SPON1: variants seen among roughly 807,000 people sequenced by gnomAD.
SPON1 encodes the protein spondin 1.
SPON1 carries 52 observed loss-of-function variants against 111.7 expected under a neutral mutation model. The observed-to-expected ratio is 0.47, with a 90% CI of 0.37 to 0.59. The LOEUF is 0.59. Among genes scored for constraint, SPON1 ranks in the 20% least tolerant of loss-of-function variants. SPON1 has a pLI of 0.00. For missense variants in SPON1, 957 were observed against 1,068.5 expected (o/e 0.90, Z 1.46); for synonymous variants, 410 against 395.8 (o/e 1.04, Z -0.43).
intron 5 of SPON1, among the ~76,000 whole-genome samples, chr11:14,120,162 T>G (rs1465395676): frequency 6.6e-6 from 1 of 152,152 alleles, no homozygotes; most frequent in Non-Finnish European, 1.5e-5. Context: ...ATCTGTAACA[T>G]GAGTTTATTT....
chr11:14,233,211 C>G (rs1182174456), intron 6 of SPON1, among the ~76,000 whole-genome samples: 2 of 152,174 alleles, frequency 1.3e-5, no homozygotes, highest in Admixed American at 1.3e-4. Context: ...CTTGACCCCT[C>G]TTTGTTTTAT....
rs1591433524 is a variant in SPON1, at chr11:14,266,899, C to G, written c.*1212C>G. On this transcript the variant is annotated 3_prime_UTR_variant, in exon 16 of 16. Coordinates refer to ENST00000576479, the MANE Select transcript of SPON1 (RefSeq NM_006108.4). The stretch of plus-strand genomic sequence containing the variant: ...TGGCCACAGGTTTACACTGCCTTCC[C>G]AGCAATTATAAGCACACCAGATTCA... The G allele has an allele frequency of 1.3e-5, 2 of 152,266 alleles. No individual in the cohort carries two copies. The highest frequency in any genetic ancestry group is 3.9e-4 in the East Asian group (2 of 5,190). The allele number at this position is 152,266 out of a possible 1,614,324, so 9.4% of individuals were successfully genotyped here. A position where few individuals can be genotyped will look rare whatever the true frequency, so the allele number is the denominator to read the frequency against.
chr11:14,001,333 C>A (rs782415716), intron 2 of SPON1, among the ~76,000 whole-genome samples: 1 of 152,134 alleles, frequency 6.6e-6, no homozygotes, highest in Non-Finnish European at 1.5e-5. Context: ...CAGGTTCTCA[C>A]GGTGAAAATC....
At chr11:14,193,320 G>A (rs1332334733) in intron 6 of SPON1, among the ~76,000 whole-genome samples, 4 of 152,156 alleles carry the variant, frequency 2.6e-5, no homozygotes, top group Non-Finnish European at 5.9e-5. Context: ...TCCCTCCAGA[G>A]AGGACCCAAG....
intron 6 of SPON1, among the ~76,000 whole-genome samples, chr11:14,233,655 A>G (rs1337504691): frequency 1.1e-4 from 17 of 151,826 alleles, no homozygotes; most frequent in Admixed American, 1.1e-3. Flanking sequence ...AAGGGATGCA[A>G]TGCGGCCCCT....
At chr11:13,992,822 C>G (rs1554911349) in intron 2 of SPON1, among the ~76,000 whole-genome samples, 1 of 151,932 alleles carries the variant, frequency 6.6e-6, no homozygotes. Flanking sequence ...TCCCTGACCC[C>G]TTGCTCTTCC....
intron 5 of SPON1, among the ~76,000 whole-genome samples, chr11:14,129,554 A>C (rs1240146298): frequency 1.6e-4 from 25 of 152,110 alleles, no homozygotes; most frequent in Non-Finnish European, 2.8e-4. Context: ...TCACTCAACA[A>C]ATCTCCAGGA....
chr11:14,021,488 C>T (rs1848481161), intron 2 of SPON1, among the ~76,000 whole-genome samples: 3 of 152,220 alleles, frequency 2.0e-5, no homozygotes, highest in Middle Eastern at 6.8e-3. Context: ...GCTCAGGTTG[C>T]AAAACCTGAG....
chr11:14,159,477 G>T (rs937511100), intron 6 of SPON1, among the ~76,000 whole-genome samples: 4 of 152,146 alleles, frequency 2.6e-5, no homozygotes, highest in East Asian at 1.9e-4. Flanking sequence ...TAGTTTGGAG[G>T]TTCCTTAAAA....
chr11:14,098,276 G>A (rs991030119), intron 5 of SPON1, among the ~76,000 whole-genome samples: 12 of 152,222 alleles, frequency 7.9e-5, no homozygotes, highest in Non-Finnish European at 1.3e-4. Flanking sequence ...GATTACAGGC[G>A]TGAGCCGGAT....
intron 5 of SPON1, among the ~76,000 whole-genome samples, chr11:14,086,284 G>A (rs1436104204): frequency 6.6e-6 from 1 of 152,274 alleles, no homozygotes; most frequent in East Asian, 1.9e-4. Flanking sequence ...TTATGGGTCT[G>A]TCATAAATAG....
chr11:13,971,989 T>G (rs991992165), intron 1 of SPON1, among the ~76,000 whole-genome samples: 10 of 152,208 alleles, frequency 6.6e-5, no homozygotes, highest in African/African-American at 2.4e-4. Flanking sequence ...GTTCTGTCCT[T>G]TGGAATCAAG....
At chr11:13,963,175 C>G in intron 1 of SPON1, 33 bp downstream of exon 1, 1 of 1,415,526 alleles carries the variant, frequency 7.1e-7, no homozygotes, top group Non-Finnish European at 9.3e-7. Flanking sequence ...ATTAGGAGAG[C>G]GGGACCCGGT....
chr11:14,117,176 C>T (rs1276616800), intron 5 of SPON1, among the ~76,000 whole-genome samples: 1 of 152,126 alleles, frequency 6.6e-6, no homozygotes, highest in Admixed American at 6.5e-5. Context: ...TATAGCTTCT[C>T]TTTTTCCTTC....
At chr11:14,030,646 T>C (rs1848551886) in intron 2 of SPON1, among the ~76,000 whole-genome samples, 1 of 152,182 alleles carries the variant, frequency 6.6e-6, no homozygotes, top group Non-Finnish European at 1.5e-5. Context: ...AAATCAAAAC[T>C]ACAACGAGGC....
chr11:14,260,677 C>T lies in SPON1; in HGVS notation c.1921C>T (p.Leu641Phe). 6.2e-7 allele frequency: 1 copy of T among 1,614,022 alleles called. No homozygotes were observed. Among genetic ancestry groups the T allele is most frequent in the Non-Finnish European group, 8.5e-7 (1 of 1,179,906 alleles). The change falls in exon 14 of 16, where the codon CTC becomes TTC. Residue 641 changes from leucine (L) to phenylalanine (F), a missense_variant. Around this residue, in one of 5 missense-constraint regions of SPON1, gnomAD observed 549 missense variants for 606.2 expected, o/e 0.91. Coordinates refer to ENST00000576479, the MANE Select transcript of SPON1 (RefSeq NM_006108.4). ...GGGCATGCGAACCCGACAGCGGATG[C>T]TCAAGTCTCTGGCAGAACTTGGAGA... ...GKGMRTRQRM[L>F]KSLAELGDCN...
At chr11:13,978,669 G>T (rs1554909249) in intron 1 of SPON1, among the ~76,000 whole-genome samples, 1 of 152,182 alleles carries the variant, frequency 6.6e-6, no homozygotes, top group Admixed American at 6.5e-5. Context: ...AGGCATGCAG[G>T]TCTTTATGGG....
chr11:14,256,607 C>A lies in SPON1; in HGVS notation c.1234-10C>A. The A allele has an allele frequency of 6.2e-7, 1 of 1,607,972 alleles. No individual in the cohort carries two copies. Among genetic ancestry groups the A allele is most frequent in the South Asian group, 1.1e-5 (1 of 90,158 alleles). ...TCATGTGAGCCCTCCAAGTAAAATT[C>A]CTTTTTCAGGGTGAACAATGCAATA... On this transcript the variant is annotated splice_polypyrimidine_tract_variant and intron_variant, in intron 9 of 15. Transcript: ENST00000576479.
At chr11:14,085,083 A>G (rs12838940) in intron 5 of SPON1, among the ~76,000 whole-genome samples, 15,704 of 151,558 alleles carry the variant, frequency 0.1, 886 homozygotes, top group Middle Eastern at 0.14. Flanking sequence ...ATTTTCTCCC[A>G]CTCTGTAGGT....
Sources: allele counts gnomAD v4.1 joint callset (sites outside exome capture counted in the v4.1 genomes callset), GRCh38; gene constraint gnomAD v4.1.1; regional missense constraint gnomAD v4.1.1; transcripts MANE v1.5; gene names NCBI Gene and HGNC (gene_info 2026-07-23, HGNC 2026-07-21).